The following CALN1 variants were observed in gnomAD, a reference collection of about 807,000 sequenced individuals.
CALN1 encodes the protein calcium-binding protein 8.
A neutral mutation model predicts 30.6 loss-of-function variants in CALN1; 17 were observed. The observed-to-expected ratio is 0.56, with a 90% confidence interval of 0.38 to 0.83. CALN1 has a LOEUF of 0.83. Ranked by LOEUF, CALN1 falls within the 40% of genes least tolerant of loss-of-function variation. The probability of loss-of-function intolerance (pLI) is 0.00; values close to 1 mark genes in which losing one functional copy is unlikely to be tolerated. For synonymous variants in CALN1, 156 were observed against 131.4 expected, an observed-to-expected ratio of 1.19 and a Z score of -1.28; for missense variants, 291 against 354.9, an observed-to-expected ratio of 0.82 and a Z score of 1.45.
intron 2 of CALN1, among the ~76,000 whole-genome samples, chr7:72,334,499 T>C (rs1390116033): frequency 6.6e-6 from 1 of 152,092 alleles, no homozygotes; most frequent in Non-Finnish European, 1.5e-5. Context: ...CAATGAACAG[T>C]TGTCATCCAC....
intron 3 of CALN1, among the ~76,000 whole-genome samples, chr7:72,267,809 TCAGCCTGGGCAACA>T (rs1181592983): frequency 2.6e-5 from 4 of 152,212 alleles, no homozygotes; most frequent in Non-Finnish European, 2.9e-5. Flanking sequence ...GAGTTTGAGA[TCAGCCTGGGCAACA>T]CAGCAAGACC....
chr7:72,019,051 A>C (rs1800561502), intron 5 of CALN1, among the ~76,000 whole-genome samples: 1 of 149,370 alleles, frequency 6.7e-6, no homozygotes, highest in South Asian at 2.1e-4. Flanking sequence ...AGGTTTCACC[A>C]TGTTGGCCAG....
intron 5 of CALN1, among the ~76,000 whole-genome samples, chr7:71,833,153 G>A (rs73362111): frequency 6.6e-6 from 1 of 152,124 alleles, no homozygotes; most frequent in African/African-American, 2.4e-5. Context: ...GAGTTCTAGG[G>A]GTTGGATGTG....
rs71092906 is a variant in CALN1 at position 71,788,478 on chromosome 7, G to GTT, written c.659-578_659-577dup. ...CAAGCAGCATCCCCATTACTAAGAG[G>GTT]TTTTTTTTTGTTGTTTTTTTTTTTT... On this transcript the variant is annotated intron_variant, in intron 6 of 6. Transcript: ENST00000395275. Among the ~76,000 whole-genome samples the GTT allele has an allele frequency of 4.0e-4, 57 of 141,828 alleles. 1 individual carries two copies. The highest frequency in any genetic ancestry group is 3.0e-3 in the East Asian group (12 of 4,044). 93.0% of individuals were successfully genotyped at this position (141,828 alleles called of 152,430 possible).
intron 3 of CALN1, among the ~76,000 whole-genome samples, chr7:72,194,947 G>A (rs1372737535): frequency 6.6e-6 from 1 of 151,886 alleles, no homozygotes; most frequent in Non-Finnish European, 1.5e-5. Context: ...GTCCCATATG[G>A]TTTAGGTTAA....
At chr7:72,443,734 G>C (rs955725115) in intron 1 of CALN1, among the ~76,000 whole-genome samples, 1 of 151,868 alleles carries the variant, frequency 6.6e-6, no homozygotes, top group Non-Finnish European at 1.5e-5. Context: ...CTTTACTTGA[G>C]AACAGGGGGC....
At chr7:72,325,914 T>C (rs999118354) in intron 2 of CALN1, among the ~76,000 whole-genome samples, 2 of 152,112 alleles carry the variant, frequency 1.3e-5, no homozygotes, top group African/African-American at 4.8e-5. Context: ...TGGTGGGCTT[T>C]TTTAGAAGAC....
chr7:72,388,079 G>A (rs1187852674), intron 2 of CALN1, among the ~76,000 whole-genome samples: 2 of 152,080 alleles, frequency 1.3e-5, no homozygotes, highest in Non-Finnish European at 2.9e-5. Context: ...ACGCAAAATT[G>A]CTTTTGCACC....
chr7:72,367,267 G>T (rs1479730497), intron 2 of CALN1, among the ~76,000 whole-genome samples: 1 of 152,006 alleles, frequency 6.6e-6, no homozygotes, highest in African/African-American at 2.4e-5. Flanking sequence ...CAGGAGGACT[G>T]CTTGAGGCCA....
intron 3 of CALN1, among the ~76,000 whole-genome samples, chr7:72,184,418 G>T (rs1464572699): frequency 2.0e-5 from 3 of 152,076 alleles, no homozygotes; most frequent in Non-Finnish European, 4.4e-5. Flanking sequence ...ACACGAATTT[G>T]TATTTTCATA....
chr7:72,267,798 G>A (rs1014407674), intron 3 of CALN1, among the ~76,000 whole-genome samples: 31 of 152,220 alleles, frequency 2.0e-4, no homozygotes, highest in Non-Finnish European at 2.9e-5. Flanking sequence ...CTTGAGGCCA[G>A]GAGTTTGAGA....
At position 72,319,380 on chromosome 7, in the gene CALN1, A is replaced by T. The variant is rs1800715892; in HGVS notation, c.120-40570T>A. On this transcript the variant is annotated intron_variant, in intron 2 of 6. Transcript: ENST00000395275. ...AAAGACAGAGAGCTTGTGCAGGGAA[A>T]CTCCCTCTTTTAAAACCAAGAGACC... Among the ~76,000 whole-genome samples, 3 of 151,602 alleles carry T rather than the reference A, an allele frequency of 2.0e-5. No homozygotes were observed. In the South Asian group the frequency reaches 6.3e-4, roughly 32 times the overall value.
chr7:72,437,832 C>T (rs1585729321), intron 1 of CALN1, among the ~76,000 whole-genome samples: 1 of 140,942 alleles, frequency 7.1e-6, no homozygotes. Flanking sequence ...TCCTTCCTCC[C>T]TCCCTTCCAT....
chr7:71,936,912 T>C (rs1795865282), intron 5 of CALN1, among the ~76,000 whole-genome samples: 1 of 152,102 alleles, frequency 6.6e-6, no homozygotes. Context: ...TCTGCTTTTG[T>C]ATCTCCCTCA....
chr7:72,490,153 CA>C, the CALN1 span, among the ~76,000 whole-genome samples: 5 of 152,276 alleles, frequency 3.3e-5, no homozygotes. Flanking sequence ...TAGTAGAGTT[CA>C]AAAGAGTCCT....
intron 3 of CALN1, among the ~76,000 whole-genome samples, chr7:72,256,129 T>C (rs183450519): frequency 9.9e-5 from 15 of 152,278 alleles, no homozygotes; most frequent in African/African-American, 3.6e-4. Context: ...GATGGGGGCT[T>C]TTTTGCCCCT....
chr7:71,825,588 C>T (rs1464046985), intron 5 of CALN1, among the ~76,000 whole-genome samples: 4 of 152,006 alleles, frequency 2.6e-5, no homozygotes, highest in East Asian at 3.9e-4. Context: ...AATTAAACAG[C>T]GGGACCGAAA....
At chr7:72,300,418 C>A (rs67502107) in intron 2 of CALN1, among the ~76,000 whole-genome samples, 41,321 of 148,620 alleles carry the variant, frequency 0.28, 6,609 homozygotes, top group Non-Finnish European at 0.37. Flanking sequence ...ACAACAACAA[C>A]AAAAAAGATA....
chr7:71,788,605 C>A (rs1475151203), intron 6 of CALN1, among the ~76,000 whole-genome samples: 1 of 151,448 alleles, frequency 6.6e-6, no homozygotes, highest in Non-Finnish European at 1.5e-5. Flanking sequence ...AGCTGTCCTC[C>A]CACTTCAGCC....
Sources: gnomAD v4.1 joint callset for allele counts (sites outside exome capture counted in the v4.1 genomes callset) on GRCh38, gnomAD v4.1.1 for gene constraint, MANE v1.5 for transcripts, NCBI Gene and HGNC (gene_info 2026-07-23, HGNC 2026-07-21) for gene names.